The following SCAPER variants were observed in gnomAD, a reference collection of about 807,000 sequenced individuals.
SCAPER encodes the protein S-phase cyclin A associated protein in the ER, also known as S phase cyclin A-associated protein in the endoplasmic reticulum.
Under a neutral mutation model 182.2 loss-of-function variants are expected in SCAPER, and 98 were observed. The observed-to-expected ratio is 0.54, with a 90% CI of 0.46 to 0.64. The LOEUF (loss-of-function observed/expected upper bound fraction) is 0.64, where lower values mean the gene tolerates loss of function less well. SCAPER is among the 30% of genes least tolerant of loss of function. The pLI is 0.00. For synonymous variants in SCAPER, 605 were observed against 564.6 expected (o/e 1.07, Z -1.01); for missense variants, 1,432 against 1,690.0 (o/e 0.85, Z 2.68).
chr15:76,482,031 G>A (rs528582964), intron 24 of SCAPER, among the ~76,000 whole-genome samples: 1 of 152,136 alleles, frequency 6.6e-6, no homozygotes, highest in African/African-American at 2.4e-5. Context: ...ACTATAGGTG[G>A]TGGAGTTCTT....
chr15:76,672,485 G>C (rs948516210), intron 20 of SCAPER, among the ~76,000 whole-genome samples: 2 of 152,024 alleles, frequency 1.3e-5, no homozygotes, highest in Admixed American at 1.3e-4. Context: ...TAAGGCATGA[G>C]AGAACAACAG....
chr15:76,373,805 G>A (rs1002508351), intron 29 of SCAPER, among the ~76,000 whole-genome samples: 1 of 152,164 alleles, frequency 6.6e-6, no homozygotes, highest in Non-Finnish European at 1.5e-5. Context: ...AGGTATCAGA[G>A]GCATCAACAA....
chr15:76,455,795 G>C (rs1368369488), intron 25 of SCAPER, among the ~76,000 whole-genome samples: 1 of 152,096 alleles, frequency 6.6e-6, no homozygotes, highest in Non-Finnish European at 1.5e-5. Context: ...ACATGCATTA[G>C]GTTTTTGTCC....
intron 23 of SCAPER, among the ~76,000 whole-genome samples, chr15:76,555,399 G>A (rs2046117249): frequency 6.6e-6 from 1 of 152,092 alleles, no homozygotes; most frequent in East Asian, 1.9e-4. Context: ...ACCTTGAATG[G>A]AAATAGGCTA....
intron 5 of SCAPER, among the ~76,000 whole-genome samples, chr15:76,830,563 A>C (rs1208089863): frequency 2.6e-5 from 4 of 152,076 alleles, no homozygotes; most frequent in African/African-American, 9.7e-5. Context: ...TTGGATAGTG[A>C]GTGGTTTTGT....
At chr15:76,901,206 G>A (rs1030251477) in intron 1 of SCAPER, among the ~76,000 whole-genome samples, 10 of 152,108 alleles carry the variant, frequency 6.6e-5, no homozygotes, top group African/African-American at 2.4e-4. Flanking sequence ...CTCCAGCCTG[G>A]GGGACAGAGC....
At chr15:76,634,590 T>C (rs1468785329) in intron 21 of SCAPER, among the ~76,000 whole-genome samples, 1 of 152,226 alleles carries the variant, frequency 6.6e-6, no homozygotes, top group Non-Finnish European at 1.5e-5. Flanking sequence ...AGAATGTCTT[T>C]CAATTTTTCA....
chr15:76,440,303 GTCATTA>G (rs2047473691), intron 25 of SCAPER, among the ~76,000 whole-genome samples: 1 of 152,192 alleles, frequency 6.6e-6, no homozygotes, highest in Non-Finnish European at 1.5e-5. Flanking sequence ...TAAATTAAAA[GTCATTA>G]TAACTTTTAA....
At chr15:76,464,242 A>G (rs1004803612) in intron 25 of SCAPER, among the ~76,000 whole-genome samples, 6 of 152,078 alleles carry the variant, frequency 3.9e-5, no homozygotes, top group African/African-American at 1.4e-4. Context: ...TAGATATGTC[A>G]TTTAAGTAGA....
intron 20 of SCAPER, among the ~76,000 whole-genome samples, chr15:76,678,372 T>C (rs1474299283): frequency 6.6e-6 from 1 of 151,360 alleles, no homozygotes; most frequent in Non-Finnish European, 1.5e-5. Context: ...TTATCAACTT[T>C]GGAATCTAAA....
chr15:76,698,754 T>C (rs2058779056), intron 20 of SCAPER, among the ~76,000 whole-genome samples: 1 of 152,242 alleles, frequency 6.6e-6, no homozygotes, highest in African/African-American at 2.4e-5. Context: ...GGCTATATTT[T>C]TGGTTCCATA....
At chr15:76,489,003 G>A (rs535027833) in intron 24 of SCAPER, among the ~76,000 whole-genome samples, 62 of 151,054 alleles carry the variant, frequency 4.1e-4, no homozygotes, top group African/African-American at 1.3e-3. Context: ...GATTACAGGC[G>A]TGAGCCACTG....
At chr15:76,533,682 C>T (rs577700749) in intron 23 of SCAPER, among the ~76,000 whole-genome samples, 1 of 151,622 alleles carries the variant, frequency 6.6e-6, no homozygotes, top group Non-Finnish European at 1.5e-5. Flanking sequence ...TTACACATTT[C>T]CTTCACTCTT....
chr15:76,581,998 G>C (rs1437512916), intron 22 of SCAPER, among the ~76,000 whole-genome samples: 1 of 152,176 alleles, frequency 6.6e-6, no homozygotes, highest in East Asian at 1.9e-4. Flanking sequence ...CAGACACAGA[G>C]CTAGTATACT....
At chr15:76,809,200 C>T (rs938645682) in intron 5 of SCAPER, among the ~76,000 whole-genome samples, 1 of 152,080 alleles carries the variant, frequency 6.6e-6, no homozygotes, top group Non-Finnish European at 1.5e-5. Context: ...ACCTAATGCA[C>T]AGAAACAAAC....
At chr15:76,497,127 C>CAA in intron 24 of SCAPER, among the ~76,000 whole-genome samples, 1 of 3,768 alleles carries the variant, frequency 2.7e-4, no homozygotes, top group African/African-American at 5.1e-4. Flanking sequence ...TTTTTTTTCC[C>CAA]AAAACGGCCT....
chr15:76,716,495 G>T lies in SCAPER; in HGVS notation c.2166-10511C>A, dbSNP rs115599068. On this transcript the variant is annotated intron_variant, in intron 17 of 31. Coordinates refer to ENST00000563290, the MANE Select transcript of SCAPER (RefSeq NM_020843.4). ...AGAAATCTACAAATTTTCTAAAAAG[G>T]AATTCAAAATAATGAACAAAGGAAA... 3.6e-3 allele frequency among the ~76,000 whole-genome samples: 552 copies of T among 151,584 alleles called. 2 individuals carry two copies. Among genetic ancestry groups the T allele is most frequent in the African/African-American group, 0.013 (530 of 41,350 alleles).
intron 21 of SCAPER, among the ~76,000 whole-genome samples, chr15:76,622,551 A>G (rs558736308): frequency 4.6e-4 from 70 of 152,344 alleles, no homozygotes; most frequent in African/African-American, 1.4e-3. Flanking sequence ...AAAAAAGTAC[A>G]TATTTTTTCA....
At chr15:76,739,646 C>T (rs1338274468) in intron 15 of SCAPER, among the ~76,000 whole-genome samples, 1 of 152,186 alleles carries the variant, frequency 6.6e-6, no homozygotes, top group Non-Finnish European at 1.5e-5. Flanking sequence ...CAATCTGAAA[C>T]TTATGAATTG....
Sources: allele counts gnomAD v4.1 joint callset (sites outside exome capture counted in the v4.1 genomes callset), GRCh38; gene constraint gnomAD v4.1.1; transcripts MANE v1.5; gene names NCBI Gene and HGNC (gene_info 2026-07-23, HGNC 2026-07-21).